Variants in PRKCD observed in about 807,000 individuals in gnomAD.
PRKCD encodes protein kinase C delta, also known as protein kinase C delta type.
In PRKCD, 20 loss-of-function variants were observed where a neutral mutation model predicts 82.2. The ratio of observed to expected loss-of-function variants is 0.24; its 90% CI spans 0.17 to 0.35. PRKCD has a LOEUF of 0.35. Among genes scored for constraint, PRKCD ranks in the 10% least tolerant of loss-of-function variants. PRKCD has a pLI of 1.00. For synonymous variants in PRKCD, 317 were observed against 337.0 expected, an observed-to-expected ratio of 0.94 and a Z score of 0.65; for missense variants, 607 against 899.0, an observed-to-expected ratio of 0.68 and a Z score of 4.15.
chr3:53,161,754 ACT>A (rs1553662993), intron 1 of PRKCD, among the ~76,000 whole-genome samples: 1 of 129,986 alleles, frequency 7.7e-6, no homozygotes, highest in African/African-American at 3.0e-5. Context: ...GTCGCCACCC[ACT>A]CTGTGTTCTC....
At chr3:53,171,229 G>A (rs910623602) in intron 2 of PRKCD, among the ~76,000 whole-genome samples, 14 of 152,168 alleles carry the variant, frequency 9.2e-5, no homozygotes, top group South Asian at 4.1e-4. Context: ...CTGGGGCACC[G>A]CCCTCTGACT....
chr3:53,184,729 T>C, intron 9 of PRKCD, 145 bp from the exon 10 acceptor site: 1 of 604,104 alleles, frequency 1.7e-6, no homozygotes. Context: ...TTATGATGGC[T>C]TCAGATCAAT....
intron 7 of PRKCD, 119 bp from the exon 8 acceptor site, chr3:53,183,002 G>A (rs1703507416): frequency 1.0e-6 from 1 of 954,976 alleles, no homozygotes; most frequent in Non-Finnish European, 1.6e-6. Context: ...TGAGGGTGTG[G>A]GCGGTCAGGA....
chr3:53,164,447 G>C (rs564372711), intron 1 of PRKCD, among the ~76,000 whole-genome samples: 1 of 152,268 alleles, frequency 6.6e-6, no homozygotes, highest in African/African-American at 2.4e-5. Context: ...GCTGGGTGTG[G>C]TGGCGCGCAC....
chr3:53,191,151 C>T (rs1248212864), intron 18 of PRKCD, among the ~76,000 whole-genome samples: 3 of 152,152 alleles, frequency 2.0e-5, no homozygotes, highest in African/African-American at 4.8e-5. Flanking sequence ...TGGCCCACAC[C>T]AGCACTTTGG....
chr3:53,185,375 G>A (rs1451075472), intron 10 of PRKCD, among the ~76,000 whole-genome samples: 3 of 152,236 alleles, frequency 2.0e-5, no homozygotes, highest in Non-Finnish European at 4.4e-5. Context: ...GTAGGGTTCC[G>A]TTTACAAAAC....
intron 2 of PRKCD, among the ~76,000 whole-genome samples, chr3:53,177,649 G>A (rs1467266181): frequency 6.6e-6 from 1 of 152,184 alleles, no homozygotes; most frequent in African/African-American, 2.4e-5. Context: ...CTTACCAGGT[G>A]ACAATGGCAC....
At position 53,185,918 on chromosome 3, in the gene PRKCD, C is replaced by G. The variant is rs1553668923; in HGVS notation, c.986-9C>G. ...ACCCCGATCTGAGGAGGTGCCATCT[C>G]TCGGGCAGACAACAGTGGGACCTAC... On this transcript the variant is annotated splice_polypyrimidine_tract_variant and intron_variant, in intron 11 of 18. Coordinates refer to ENST00000330452, the MANE Select transcript of PRKCD (RefSeq NM_006254.4). 1 of 1,613,816 alleles carries G rather than the reference C, an allele frequency of 6.2e-7. No individual in the cohort carries two copies. The highest frequency in any genetic ancestry group is 2.2e-5 in the East Asian group (1 of 44,900).
At chr3:53,185,401 G>A (rs1703635432) in intron 10 of PRKCD, among the ~76,000 whole-genome samples, 1 of 152,244 alleles carries the variant, frequency 6.6e-6, no homozygotes, top group Non-Finnish European at 1.5e-5. Flanking sequence ...TTTGTAATCA[G>A]AGCCTTTCAG....
intron 2 of PRKCD, among the ~76,000 whole-genome samples, chr3:53,174,709 G>A (rs559615564): frequency 6.6e-6 from 1 of 152,282 alleles, no homozygotes; most frequent in South Asian, 2.1e-4. Context: ...CAGAGTTGGT[G>A]GCAGAACCTG....
intron 9 of PRKCD, among the ~76,000 whole-genome samples, chr3:53,184,117 G>A (rs547413910): frequency 2.6e-5 from 4 of 151,990 alleles, no homozygotes; most frequent in African/African-American, 7.3e-5. Context: ...CGGATCATGA[G>A]GTTAGGAGAT....
intron 18 of PRKCD, among the ~76,000 whole-genome samples, chr3:53,191,501 C>T (rs1703925255): frequency 6.6e-6 from 1 of 152,234 alleles, no homozygotes; most frequent in South Asian, 2.1e-4. Flanking sequence ...CTTGCCAGTT[C>T]AGTTTGGCTG....
At chr3:53,186,759 C>T (rs981078289) in intron 14 of PRKCD, 64 bp downstream of exon 14, 3 of 1,434,728 alleles carry the variant, frequency 2.1e-6, no homozygotes, top group Admixed American at 3.7e-5. Context: ...TCAGAGCCCA[C>T]TTCCAGTCTG....
At chr3:53,176,851 C>G (rs1274318830) in intron 2 of PRKCD, among the ~76,000 whole-genome samples, 1 of 152,162 alleles carries the variant, frequency 6.6e-6, no homozygotes, top group African/African-American at 2.4e-5. Flanking sequence ...TTTTCTGAGG[C>G]AGAGTCTCGC....
chr3:53,177,018 T>TG (rs1389475119), intron 2 of PRKCD, among the ~76,000 whole-genome samples: 2 of 152,072 alleles, frequency 1.3e-5, no homozygotes, highest in Non-Finnish European at 2.9e-5. Flanking sequence ...TTAGTAGAGA[T>TG]GGGGTTTCAC....
rs782458396 is a variant in PRKCD at position 53,186,294 on chromosome 3, C to T, written c.1214C>T (p.Ala405Val). ...MVEKRVLTLA[A>V]ENPFLTHLIC... is the part of the protein sequence containing the mutation. ...GAGAAGCGGGTGCTGACACTTGCCG[C>T]AGAGAATCCCTTTCTCACCCACCTC... The change falls in exon 13 of 19, where the codon GCA (alanine) becomes GTA (valine). Residue 405 changes from alanine (A) to valine (V), a missense_variant. Ala to Val is a moderately conservative substitution (Grantham distance 64). Around this residue, in one of 5 missense-constraint regions of PRKCD, gnomAD observed 251 missense variants for 423.9 expected, o/e 0.59. Transcript: ENST00000330452. 3.7e-6 allele frequency: 6 copies of T among 1,614,144 alleles called. No individual in the cohort carries two copies. In the Admixed American group the frequency reaches 1.0e-4, roughly 27 times the overall value.
chr3:53,167,450 G>A (rs1472514834), intron 2 of PRKCD, among the ~76,000 whole-genome samples: 2 of 152,362 alleles, frequency 1.3e-5, no homozygotes, highest in East Asian at 1.9e-4. Context: ...GCCCCCTTGA[G>A]AGAGGTGATG....
chr3:53,168,217 G>A (rs988307783), intron 2 of PRKCD, among the ~76,000 whole-genome samples: 3 of 152,208 alleles, frequency 2.0e-5, no homozygotes, highest in Non-Finnish European at 4.4e-5. Flanking sequence ...GTGGGCATCT[G>A]GGACTGATGG....
At chr3:53,187,226 C>A (rs1040012433) in intron 14 of PRKCD, 114 bp from the exon 15 acceptor site, 1 of 1,158,654 alleles carries the variant, frequency 8.6e-7, no homozygotes, top group Non-Finnish European at 1.3e-6. Flanking sequence ...CTCAGGTGGT[C>A]CATGGAGTTA....
Sources: allele counts gnomAD v4.1 joint callset (sites outside exome capture counted in the v4.1 genomes callset), GRCh38; gene constraint gnomAD v4.1.1; regional missense constraint gnomAD v4.1.1; transcripts MANE v1.5; gene names NCBI Gene and HGNC (gene_info 2026-07-23, HGNC 2026-07-21).